The following ARHGEF11 variants were observed in gnomAD, a reference collection of about 807,000 sequenced individuals.
The protein encoded by ARHGEF11 is Rho guanine exchange factor (GEF) 11.
In ARHGEF11, 55 loss-of-function variants were observed where a neutral mutation model predicts 193.7. That is an observed-to-expected ratio of 0.28 (90% CI 0.23 to 0.36). The LOEUF is 0.36. ARHGEF11 is among the 10% of genes least tolerant of loss of function. ARHGEF11 has a pLI of 1.00. For synonymous variants in ARHGEF11, 693 were observed against 768.0 expected (o/e 0.90, Z 1.62); for missense variants, 1,723 against 2,005.6 (o/e 0.86, Z 2.69).
In ARHGEF11 at chr1:156,947,415, G is replaced by C. The variant is rs1226129888; in HGVS notation, c.2377C>G (p.Leu793Val). ...TAGAAGATCAGGTCCAGGACCCGGA[G>C]TGTGCGCAGGTGGGAAGCTTCAGTC... ...FVTEASHLRT[L>V]RVLDLIFYQR... The change falls in exon 26 of 41, where the codon CTC (leucine) becomes GTC (valine). Residue 793 changes from leucine (L) to valine (V), a missense_variant. Transcript: ENST00000368194. 1 of 1,611,812 alleles carries C rather than the reference G, an allele frequency of 6.2e-7. No individual in the cohort carries two copies. The highest frequency in any genetic ancestry group is 1.7e-4 in the Middle Eastern group (1 of 6,046).
intron 4 of ARHGEF11, 38 bp from the exon 5 acceptor site, chr1:156,979,324 A>G: frequency 6.4e-7 from 1 of 1,555,336 alleles, no homozygotes; most frequent in Non-Finnish European, 8.9e-7. Flanking sequence ...AATGGTAATG[A>G]ACAGCTAGGG....
At chr1:156,986,926 T>A (rs1665017490) in intron 1 of ARHGEF11, among the ~76,000 whole-genome samples, 1 of 152,172 alleles carries the variant, frequency 6.6e-6, no homozygotes, top group African/African-American at 2.4e-5. Flanking sequence ...GCGGTAGTAT[T>A]CCAACCCCAT....
chr1:157,045,955 C>CCGGGGG (rs951939059), upstream of ARHGEF11, among the ~76,000 whole-genome samples: 24 of 150,818 alleles, frequency 1.6e-4, no homozygotes, highest in East Asian at 1.4e-3. Flanking sequence ...GCCGCGGCGG[C>CCGGGGG]CGGGGGCGGG....
chr1:156,988,179 G>A (rs553142373), intron 1 of ARHGEF11, among the ~76,000 whole-genome samples: 11 of 152,198 alleles, frequency 7.2e-5, no homozygotes, highest in East Asian at 3.9e-4. Context: ...CTGAAAATGC[G>A]CTGTTCACTT....
chr1:156,969,044 C>T lies in ARHGEF11; in HGVS notation c.825+238G>A, dbSNP rs559032462. Among the ~76,000 whole-genome samples, 95 of 152,364 alleles carry T rather than the reference C, an allele frequency of 6.2e-4. No homozygotes were observed. The Middle Eastern group carries it at 0.017, about 27-fold the overall frequency. On this transcript the variant is annotated intron_variant, in intron 10 of 40. Transcript: ENST00000368194. ...TGCCATGGCCGCCCTCTCCACCCTA[C>T]TCTTTATATAACAGAGTTGACAATG... is the stretch of plus-strand genomic sequence containing the variant.
intron 1 of ARHGEF11, among the ~76,000 whole-genome samples, chr1:157,032,457 A>G (rs944178892): frequency 1.3e-5 from 2 of 152,194 alleles, no homozygotes; most frequent in Non-Finnish European, 2.9e-5. Context: ...TCAGGCCCCA[A>G]ACTCAGCTCA....
chr1:156,940,550 A>G (rs1192532413), intron 35 of ARHGEF11, 125 bp from the exon 36 acceptor site: 1 of 824,696 alleles, frequency 1.2e-6, no homozygotes, highest in Non-Finnish European at 1.8e-6. Flanking sequence ...TTTACTGAGA[A>G]CTTCCCATGG....
upstream of ARHGEF11, among the ~76,000 whole-genome samples, chr1:157,045,863 C>T (rs1365756272): frequency 6.6e-6 from 1 of 151,096 alleles, no homozygotes; most frequent in Non-Finnish European, 1.5e-5. Flanking sequence ...GAGCCTTTCT[C>T]CTTCCCTCGC....
chr1:156,944,016 C>G lies in ARHGEF11; in HGVS notation c.3154G>C (p.Ala1052Pro), dbSNP rs1208479493. The G allele has an allele frequency of 1.2e-6, 2 of 1,614,194 alleles. No homozygotes were observed. The highest frequency in any genetic ancestry group is 2.2e-5 in the South Asian group (2 of 91,080). Residue 1052 changes from alanine (A) to proline (P), a missense_variant, in exon 32 of 41, where the codon GCT becomes CCT. Transcript: ENST00000368194. ...KLLLKCHSKT[A>P]VGSSDSKQTF... ...TGCTTGCTGTCTGAGGAGCCCACAG[C>G]AGTCTTGCTGTGGCACTTCAGCAAT...
intron 1 of ARHGEF11, among the ~76,000 whole-genome samples, chr1:156,998,392 CA>C (rs1445158687): frequency 1.3e-5 from 2 of 152,202 alleles, no homozygotes; most frequent in African/African-American, 4.8e-5. Flanking sequence ...CAGGAATTTA[CA>C]TTGATATTGA....
At chr1:157,046,317 C>A (rs1458659226), upstream of ARHGEF11, among the ~76,000 whole-genome samples, 1 of 152,028 alleles carries the variant, frequency 6.6e-6, no homozygotes, top group African/African-American at 2.4e-5. Flanking sequence ...TGCTCGGGAG[C>A]CGACCTTTGT....
chr1:156,950,153 C>T (rs1033154248), intron 22 of ARHGEF11, among the ~76,000 whole-genome samples: 2 of 152,140 alleles, frequency 1.3e-5, no homozygotes, highest in Non-Finnish European at 2.9e-5. Flanking sequence ...ATTTAACTTA[C>T]CCATTAATGT....
chr1:156,950,051 A>G (rs1658841224), intron 22 of ARHGEF11, among the ~76,000 whole-genome samples: 1 of 152,230 alleles, frequency 6.6e-6, no homozygotes, highest in Non-Finnish European at 1.5e-5. Flanking sequence ...ATGGTCTCAA[A>G]TATTTTCTCA....
chr1:157,019,215 A>T (rs1669664845), intron 1 of ARHGEF11, among the ~76,000 whole-genome samples: 1 of 152,252 alleles, frequency 6.6e-6, no homozygotes, highest in Admixed American at 6.5e-5. Flanking sequence ...GTTTTAAAAG[A>T]CACTGAAAAT....
intron 19 of ARHGEF11, 54 bp from the exon 20 acceptor site, chr1:156,955,853 G>T: frequency 7.2e-7 from 1 of 1,388,626 alleles, no homozygotes; most frequent in Non-Finnish European, 1.0e-6. Context: ...CCCAGGCGTG[G>T]CTGCTAATCA....
intron 7 of ARHGEF11, among the ~76,000 whole-genome samples, chr1:156,976,083 C>T (rs753759420): frequency 5.9e-5 from 9 of 152,198 alleles, no homozygotes; most frequent in Admixed American, 1.3e-4. Flanking sequence ...TGTAACCATT[C>T]CAACACCCAC....
intron 40 of ARHGEF11, among the ~76,000 whole-genome samples, chr1:156,936,495 A>T (rs868487102): frequency 0.01 from 595 of 56,918 alleles, 2 homozygotes; most frequent in South Asian, 0.014. Context: ...AAAAAAAAAA[A>T]AAATATATAT....
Position 156,944,053 on chromosome 1 carries a change from C to G in ARHGEF11, c.3117G>C (p.Gln1039His), listed in dbSNP as rs575807233. 5.0e-6 allele frequency: 8 copies of G among 1,614,168 alleles called. 1 individual carries two copies. The South Asian group carries it at 8.8e-5, about 18-fold the overall frequency. ...LEDLLVLLQK[Q>H]DEKLLLKCHS... ...GGCACTTCAGCAATAGCTTCTCATC[C>G]TGTTTCTGTAGCAGCACTAGGAGGT... The change falls in exon 32 of 41, where the codon CAG becomes CAC. Residue 1039 changes from glutamine to histidine, a missense_variant. Physicochemically the swap from Gln to His is conservative, Grantham distance 24 (BLOSUM62 0). This residue lies in a region of ARHGEF11 where 491 missense variants were observed against 654.5 expected (regional missense o/e 0.75). Coordinates refer to ENST00000368194, the MANE Select transcript of ARHGEF11 (RefSeq NM_198236.3).
intron 13 of ARHGEF11, among the ~76,000 whole-genome samples, chr1:156,962,376 C>T (rs990178432): frequency 3.3e-5 from 5 of 152,170 alleles, no homozygotes; most frequent in Non-Finnish European, 7.3e-5. Context: ...TCCATCTGCC[C>T]TCCCGTTCTA....
Sources: allele counts gnomAD v4.1 joint callset (sites outside exome capture counted in the v4.1 genomes callset), GRCh38; gene constraint gnomAD v4.1.1; regional missense constraint gnomAD v4.1.1; transcripts MANE v1.5; gene names NCBI Gene and HGNC (gene_info 2026-07-23, HGNC 2026-07-21).